Variants in REELD1 observed in about 807,000 individuals in gnomAD.
REELD1 encodes the protein reelin domain-containing protein 1.
A neutral mutation model predicts 6.3 loss-of-function variants in REELD1; 12 were observed. That is an observed-to-expected ratio of 1.89 (90% confidence interval 1.21 to 3.07). The LOEUF (loss-of-function observed/expected upper bound fraction) is 3.07, where lower values mean the gene tolerates loss of function less well. Among genes scored for constraint, REELD1 ranks in the 30% most tolerant of loss-of-function variants. The pLI is 0.00. For missense variants in REELD1, 163 were observed against 86.8 expected, an observed-to-expected ratio of 1.88 and a Z score of -3.49; for synonymous variants, 57 against 33.6, an observed-to-expected ratio of 1.70 and a Z score of -2.42.
At chr4:146,220,945 T>C (rs527416583) in intron 3 of REELD1, among the ~76,000 whole-genome samples, 1 of 152,332 alleles carries the variant, frequency 6.6e-6, no homozygotes, top group East Asian at 1.9e-4. Context: ...GTATTGGACA[T>C]CAGTGTTTGC....
In REELD1 at chr4:146,231,628, G is replaced by T. The variant is rs1000988287; in HGVS notation, c.*1115G>T. On this transcript the variant is annotated 3_prime_UTR_variant, in exon 8 of 8. Transcript: ENST00000623665. ...CAAAAATCACTACAAATTCGGAAAG[G>T]ATATTTGTTTATTGAACACCTAATT... Among the ~76,000 whole-genome samples, 1 of 152,160 alleles carries T rather than the reference G, an allele frequency of 6.6e-6. No homozygotes were observed. Among genetic ancestry groups the T allele is most frequent in the Non-Finnish European group, 1.5e-5 (1 of 68,032 alleles).
At chr4:146,229,848 T>G (rs959816155) in intron 7 of REELD1, 57 bp from the exon 8 acceptor site, 7 of 398,202 alleles carry the variant, frequency 1.8e-5, no homozygotes, top group African/African-American at 1.4e-4. Context: ...CAAAGTTCAG[T>G]GGCAGCTTAG....
In REELD1 at chr4:146,231,387, T is replaced by C. The variant is rs1731128657; in HGVS notation, c.*874T>C. Reference sequence around the variant, plus strand: ...AGTCTTTACTTGTCTTTTCAGGGAATATCAGGAAGAAAGCTTCATGGATGA... The same window carrying C: ...AGTCTTTACTTGTCTTTTCAGGGAACATCAGGAAGAAAGCTTCATGGATGA... On this transcript the variant is annotated 3_prime_UTR_variant, in exon 8 of 8. Transcript: ENST00000623665. Among the ~76,000 whole-genome samples the C allele has an allele frequency of 6.6e-6, 1 of 152,224 alleles. No individual in the cohort carries two copies. The highest frequency in any genetic ancestry group is 1.5e-5 in the Non-Finnish European group (1 of 68,040).
At chr4:146,222,291 C>A (rs151061630) in intron 3 of REELD1, 66 bp from the exon 4 acceptor site, 1 of 398,086 alleles carries the variant, frequency 2.5e-6, no homozygotes, top group African/African-American at 2.1e-5. Context: ...TTGAAAAAAG[C>A]TGCATAAAAT....
chr4:146,224,157 C>A (rs1381938127), intron 4 of REELD1, among the ~76,000 whole-genome samples: 2 of 152,056 alleles, frequency 1.3e-5, no homozygotes, highest in East Asian at 3.8e-4. Context: ...TGAGGAGATA[C>A]TTTTTAGTTA....
At chr4:146,221,774 G>A (rs1010770830) in intron 3 of REELD1, among the ~76,000 whole-genome samples, 6 of 152,010 alleles carry the variant, frequency 3.9e-5, no homozygotes, top group East Asian at 1.9e-4. Flanking sequence ...CAGGAGAATC[G>A]CCTGAACCCA....
intron 3 of REELD1, among the ~76,000 whole-genome samples, chr4:146,221,661 C>T (rs1235805951): frequency 2.0e-5 from 3 of 152,136 alleles, no homozygotes; most frequent in African/African-American, 4.8e-5. Context: ...GAGATCGAGA[C>T]CACCCTGGCC....
Position 146,226,975 on chromosome 4 carries a change from G to A in REELD1, c.596-1235G>A, listed in dbSNP as rs549786618. ...TAGTAGAGAGACAGGGTTTCCCCAC[G>A]TTGGCCAGGCTGGTCTCGAACTCCT... is the stretch of plus-strand genomic sequence containing the variant. On this transcript the variant is annotated intron_variant, in intron 5 of 7. Coordinates refer to ENST00000623665, the MANE Select transcript of REELD1 (RefSeq NM_001354631.1). Among the ~76,000 whole-genome samples, 7 of 152,280 alleles carry A rather than the reference G, an allele frequency of 4.6e-5. No individual in the cohort carries two copies. In the South Asian group the frequency reaches 1.2e-3, roughly 27 times the overall value.
intron 3 of REELD1, among the ~76,000 whole-genome samples, chr4:146,219,776 C>A (rs1257850994): frequency 6.6e-6 from 1 of 152,190 alleles, no homozygotes; most frequent in East Asian, 1.9e-4. Context: ...AAGTTTCTTG[C>A]ACCTCTTTTC....
chr4:146,223,060 A>G (rs576522830), intron 4 of REELD1, among the ~76,000 whole-genome samples: 18 of 152,338 alleles, frequency 1.2e-4, no homozygotes, highest in African/African-American at 4.1e-4. Flanking sequence ...GAGAGAGCCT[A>G]CGTTCGCTCA....
chr4:146,229,851 C>T, intron 7 of REELD1, 54 bp from the exon 8 acceptor site: 1 of 398,344 alleles, frequency 2.5e-6, no homozygotes, highest in Non-Finnish European at 4.4e-6. Flanking sequence ...AGTTCAGTGG[C>T]AGCTTAGGAG....
At chr4:146,223,446 A>G (rs768754541) in intron 4 of REELD1, among the ~76,000 whole-genome samples, 13 of 152,360 alleles carry the variant, frequency 8.5e-5, no homozygotes, top group Non-Finnish European at 1.3e-4. Flanking sequence ...TGGAAGGCCC[A>G]GGGCCCGCTT....
At chr4:146,228,080 C>T in intron 5 of REELD1, 130 bp from the exon 6 acceptor site, 1 of 608,354 alleles carries the variant, frequency 1.6e-6, no homozygotes, top group Non-Finnish European at 2.9e-6. Flanking sequence ...TTAAGTGCCT[C>T]ACACTTAATG....
At chr4:146,218,596 G>C (rs148602619) in intron 3 of REELD1, among the ~76,000 whole-genome samples, 1 of 152,158 alleles carries the variant, frequency 6.6e-6, no homozygotes, top group Non-Finnish European at 1.5e-5. Flanking sequence ...TAGTATATGA[G>C]TTCAACATCA....
rs1483295886 is a variant in REELD1, at chr4:146,232,142, AC to A, written c.*1630del. 1.3e-5 allele frequency: 2 copies of A among 152,206 alleles called. No individual in the cohort carries two copies. The highest frequency in any genetic ancestry group is 1.5e-5 in the Non-Finnish European group (1 of 68,038). The allele number at this position is 152,206 out of a possible 1,614,324, so 9.4% of individuals were successfully genotyped here. On this transcript the variant is annotated 3_prime_UTR_variant, in exon 8 of 8. Coordinates refer to ENST00000623665, the MANE Select transcript of REELD1 (RefSeq NM_001354631.1). ...AGAGCCAGATGCACCATGTATGCAA[AC>A]TTTTTTAGATCTTTTCTGTCTAAGA...
At chr4:146,219,174 C>T (rs914184317) in intron 3 of REELD1, among the ~76,000 whole-genome samples, 2 of 151,878 alleles carry the variant, frequency 1.3e-5, no homozygotes, top group Non-Finnish European at 2.9e-5. Context: ...ACAAACAAAC[C>T]CCAAACCAAA....
chr4:146,228,318 G>T lies in REELD1; in HGVS notation c.704G>T (p.Trp235Leu), dbSNP rs1300335040. The change falls in exon 6 of 8, where the codon TGG (tryptophan) becomes TTG (leucine). Residue 235 changes from tryptophan to leucine, a missense_variant. Physicochemically the swap from Trp to Leu is moderately conservative, Grantham distance 61. Transcript: ENST00000623665. ...DNLDPVPASI[W>L]VTKFPGDAET... ...CTAGATCCTGTTCCTGCCAGTATTT[G>T]GGTGACAAAGTTTCCTGGGGATGCA... The T allele has an allele frequency of 1.3e-5, 9 of 702,402 alleles. No homozygotes were observed. Among genetic ancestry groups the T allele is most frequent in the Admixed American group, 8.0e-5 (4 of 49,984 alleles). The allele number at this position is 702,402 out of a possible 1,614,324, so 43.5% of individuals were successfully genotyped here.
chr4:146,228,335 G>C lies in REELD1; in HGVS notation c.721G>C (p.Gly241Arg), dbSNP rs961190458. 1.1e-5 allele frequency: 8 copies of C among 702,506 alleles called. No homozygotes were observed. The highest frequency in any genetic ancestry group is 8.0e-5 in the Admixed American group (4 of 50,010). 43.5% of individuals were successfully genotyped at this position (702,506 alleles called of 1,614,324 possible). The change falls in exon 6 of 8, where the codon GGG becomes CGG. Residue 241 changes from glycine to arginine, a missense_variant. Coordinates refer to ENST00000623665, the MANE Select transcript of REELD1 (RefSeq NM_001354631.1). ...PASIWVTKFP[G>R]DAETLSQPSS... Reference sequence around the variant, plus strand: ...CAGTATTTGGGTGACAAAGTTTCCTGGGGATGCAGAGACTCTGTCCCAACC... The same window carrying C: ...CAGTATTTGGGTGACAAAGTTTCCTCGGGATGCAGAGACTCTGTCCCAACC...
chr4:146,215,870 C>G (rs541304025), intron 2 of REELD1, among the ~76,000 whole-genome samples: 1 of 151,958 alleles, frequency 6.6e-6, no homozygotes, highest in South Asian at 2.1e-4. Flanking sequence ...CCTGCCTCAG[C>G]CTCCCGAGTA....
Sources: allele counts gnomAD v4.1 joint callset (sites outside exome capture counted in the v4.1 genomes callset), GRCh38; gene constraint gnomAD v4.1.1; transcripts MANE v1.5; gene names NCBI Gene and HGNC (gene_info 2026-07-23, HGNC 2026-07-21).